Variants in COX7A2L observed in about 807,000 individuals in gnomAD.
COX7A2L encodes the protein cytochrome c oxidase subunit 7A2 like, also known as cytochrome c oxidase subunit 7A2-like, mitochondrial.
In COX7A2L, 18 loss-of-function variants were observed where a neutral mutation model predicts 14.2. That is an observed-to-expected ratio of 1.27 (90% CI 0.88 to 1.88). The LOEUF is 1.88. COX7A2L is among the 40% of genes most tolerant of loss of function. The pLI is 0.00. For missense variants in COX7A2L, 179 were observed against 138.8 expected (o/e 1.29, Z -1.46); for synonymous variants, 65 against 57.4 (o/e 1.13, Z -0.60).
chr2:42,353,408 G>C, intron 1 of COX7A2L, 65 bp from the exon 2 acceptor site: 1 of 1,583,398 alleles, frequency 6.3e-7, no homozygotes. Flanking sequence ...TGGAATAGTG[G>C]AGGCAGCCAT....
downstream of COX7A2L, among the ~76,000 whole-genome samples, chr2:42,344,619 G>A (rs1324219571): frequency 6.6e-6 from 1 of 152,196 alleles, no homozygotes; most frequent in Non-Finnish European, 1.5e-5. Context: ...TTGGGAGGCT[G>A]AGGTGGGCAG....
At chr2:42,360,645 T>C (rs1257972712) in intron 1 of COX7A2L, among the ~76,000 whole-genome samples, 1 of 152,098 alleles carries the variant, frequency 6.6e-6, no homozygotes, top group African/African-American at 2.4e-5. Flanking sequence ...ATGGTTTCTC[T>C]AAACGCCTTT....
intron 1 of COX7A2L, among the ~76,000 whole-genome samples, chr2:42,358,184 CTGG>C (rs1310383551): frequency 1.3e-5 from 2 of 152,226 alleles, no homozygotes; most frequent in Non-Finnish European, 1.5e-5. Context: ...TCTAGGCATT[CTGG>C]TGGATACTAA....
chr2:42,345,314 C>T (rs752826923), downstream of COX7A2L, among the ~76,000 whole-genome samples: 6 of 152,072 alleles, frequency 3.9e-5, no homozygotes, highest in East Asian at 3.9e-4. Flanking sequence ...ACCCGGGAGG[C>T]GGAGGTTGCA....
intron 2 of COX7A2L, among the ~76,000 whole-genome samples, chr2:42,337,329 A>T (rs778673148): frequency 1.3e-5 from 2 of 152,234 alleles, no homozygotes; most frequent in Admixed American, 6.5e-5. Context: ...GATGGTGCTC[A>T]CGGGCATGAG....
chr2:42,347,783 T>C (rs1670528423), downstream of COX7A2L, among the ~76,000 whole-genome samples: 1 of 152,168 alleles, frequency 6.6e-6, no homozygotes, highest in African/African-American at 2.4e-5. Context: ...TAGCCAGGTA[T>C]GGTGGCGCAT....
intron 2 of COX7A2L, among the ~76,000 whole-genome samples, chr2:42,336,129 G>T (rs1378947563): frequency 1.3e-5 from 2 of 152,144 alleles, no homozygotes; most frequent in African/African-American, 4.8e-5. Context: ...CTCTGTCATT[G>T]GCCACGTGCT....
chr2:42,347,694 C>G (rs970471607), downstream of COX7A2L, among the ~76,000 whole-genome samples: 1 of 152,102 alleles, frequency 6.6e-6, no homozygotes, highest in Non-Finnish European at 1.5e-5. Flanking sequence ...GGCCAAGGCA[C>G]GTGGATCACC....
intron 2 of COX7A2L, among the ~76,000 whole-genome samples, chr2:42,336,280 T>C (rs749538606): frequency 5.3e-5 from 8 of 152,128 alleles, no homozygotes; most frequent in Admixed American, 1.3e-4. Context: ...GTCCTGAAAA[T>C]AGATTTTCCT....
intron 1 of COX7A2L, among the ~76,000 whole-genome samples, chr2:42,356,690 G>A (rs1670829157): frequency 6.6e-6 from 1 of 152,216 alleles, no homozygotes; most frequent in South Asian, 2.1e-4. Flanking sequence ...ACTTTGGGAG[G>A]CTGAGGTGGG....
intron 2 of COX7A2L, among the ~76,000 whole-genome samples, chr2:42,351,739 C>T (rs1670653347): frequency 6.6e-6 from 1 of 152,148 alleles, no homozygotes; most frequent in African/African-American, 2.4e-5. Context: ...TTTGGGAGGC[C>T]GAGACAGGCA....
At chr2:42,353,190 G>T (rs1240245592) in intron 2 of COX7A2L, 22 bp downstream of exon 2, 9 of 1,611,008 alleles carry the variant, frequency 5.6e-6, no homozygotes, top group African/African-American at 1.3e-5. Context: ...AGGCTTTTCT[G>T]TTGTAGAGTA....
chr2:42,353,367 G>A, intron 1 of COX7A2L, 24 bp from the exon 2 acceptor site: 1 of 1,611,716 alleles, frequency 6.2e-7, no homozygotes, highest in Non-Finnish European at 8.5e-7. Context: ...AAGGAAAATG[G>A]CAAGTTGAAA....
At chr2:42,336,090 A>T (rs1212252479) in intron 2 of COX7A2L, among the ~76,000 whole-genome samples, 2 of 152,098 alleles carry the variant, frequency 1.3e-5, no homozygotes, top group Non-Finnish European at 2.9e-5. Context: ...GGCAATTTCC[A>T]TTTCACTGAG....
At chr2:42,341,604 G>C (rs796852809) in intron 2 of COX7A2L, among the ~76,000 whole-genome samples, 1 of 152,228 alleles carries the variant, frequency 6.6e-6, no homozygotes, top group Non-Finnish European at 1.5e-5. Context: ...TGATGGGTGG[G>C]GGGACACAAA....
upstream of COX7A2L, among the ~76,000 whole-genome samples, chr2:42,364,761 G>A (rs897476663): frequency 5.9e-5 from 9 of 152,164 alleles, no homozygotes; most frequent in African/African-American, 1.9e-4. Context: ...CTAAAGAGCT[G>A]AGGGTCTGAA....
intron 2 of COX7A2L, among the ~76,000 whole-genome samples, chr2:42,351,712 A>T (rs750108656): frequency 2.6e-5 from 4 of 152,150 alleles, no homozygotes; most frequent in Non-Finnish European, 5.9e-5. Context: ...GGTGGCTCAC[A>T]CCTGTAATCC....
intron 2 of COX7A2L, among the ~76,000 whole-genome samples, chr2:42,337,724 CTCAGAGTCTCAA>C (rs1471727372): frequency 6.6e-6 from 1 of 152,182 alleles, no homozygotes; most frequent in Admixed American, 6.5e-5. Context: ...TTGCAACTTC[CTCAGAGTCTCAA>C]AATAAAATAT....
chr2:42,360,964 G>C, intron 1 of COX7A2L, 126 bp downstream of exon 1: 1 of 951,122 alleles, frequency 1.1e-6, no homozygotes, highest in Non-Finnish European at 1.7e-6. Context: ...CCCGGGAGGT[G>C]CAAGGAGAAC....
Sources: gnomAD v4.1 joint callset for allele counts (sites outside exome capture counted in the v4.1 genomes callset) on GRCh38, gnomAD v4.1.1 for gene constraint, MANE v1.5 for transcripts, NCBI Gene and HGNC (gene_info 2026-07-23, HGNC 2026-07-21) for gene names.